Variants in XRN2 observed in about 807,000 individuals in gnomAD.
XRN2 encodes DHM1-like protein.
A neutral mutation model predicts 138.5 loss-of-function variants in XRN2; 44 were observed. The ratio of observed to expected loss-of-function variants is 0.32; its 90% CI spans 0.25 to 0.41. XRN2 has a LOEUF of 0.41. XRN2 is among the 10% of genes least tolerant of loss of function. The pLI, the probability that XRN2 is intolerant of heterozygous loss-of-function variation, is 1.00. For synonymous variants in XRN2, 354 were observed against 369.4 expected, an observed-to-expected ratio of 0.96 and a Z score of 0.48; for missense variants, 937 against 1,169.3, an observed-to-expected ratio of 0.80 and a Z score of 2.90.
chr20:21,382,355 C>G (rs1369559309), intron 28 of XRN2, among the ~76,000 whole-genome samples: 1 of 152,142 alleles, frequency 6.6e-6, no homozygotes, highest in Non-Finnish European at 1.5e-5. Context: ...TCAGGCTAAA[C>G]AAATTTCTTT....
intron 17 of XRN2, among the ~76,000 whole-genome samples, chr20:21,347,720 T>C (rs1022945703): frequency 1.3e-5 from 2 of 152,252 alleles, no homozygotes; most frequent in Non-Finnish European, 2.9e-5. Flanking sequence ...TGTTTTACTT[T>C]CAACTGCTGT....
At chr20:21,372,135 C>T (rs2038770784) in intron 27 of XRN2, among the ~76,000 whole-genome samples, 1 of 152,138 alleles carries the variant, frequency 6.6e-6, no homozygotes, top group Non-Finnish European at 1.5e-5. Flanking sequence ...TGATTTAGAG[C>T]AAGAAACAAG....
rs2038591882 is a variant in XRN2, at chr20:21,357,646, A to AGC, written c.2199-90_2199-89insGC. On this transcript the variant is annotated intron_variant, in intron 23 of 29. Coordinates refer to ENST00000377191, the MANE Select transcript of XRN2 (RefSeq NM_012255.5). ...TGCATTCTAATGATTTATCTTTTCTAAAGACTAACAAACATAGCAACATCT... is the reference window on the plus strand; with the variant it reads ...TGCATTCTAATGATTTATCTTTTCTAGCAAGACTAACAAACATAGCAACATCT... The AGC allele has an allele frequency of 4.8e-6, 5 of 1,052,282 alleles. No homozygotes were observed. In the Admixed American group the frequency reaches 1.4e-4, roughly 30 times the overall value. The allele number at this position is 1,052,282 out of a possible 1,614,324, so 65.2% of individuals were successfully genotyped here. A position where few individuals can be genotyped will look rare whatever the true frequency, so the allele number is the denominator to read the frequency against.
intron 1 of XRN2, among the ~76,000 whole-genome samples, chr20:21,324,477 A>G (rs1029580791): frequency 1.4e-5 from 2 of 147,182 alleles, no homozygotes; most frequent in Non-Finnish European, 3.0e-5. Flanking sequence ...ACTTTCTGTA[A>G]GTGGTATACT....
intron 28 of XRN2, among the ~76,000 whole-genome samples, chr20:21,382,634 C>A (rs1248486517): frequency 6.6e-6 from 1 of 152,144 alleles, no homozygotes; most frequent in Non-Finnish European, 1.5e-5. Context: ...AGAAGGGACT[C>A]AGAAGAGGAT....
intron 9 of XRN2, among the ~76,000 whole-genome samples, chr20:21,332,800 C>T (rs1187675185): frequency 1.3e-5 from 2 of 152,156 alleles, no homozygotes; most frequent in Admixed American, 1.3e-4. Flanking sequence ...TATATCTACA[C>T]GAGGCTTAGT....
intron 1 of XRN2, among the ~76,000 whole-genome samples, chr20:21,323,574 A>G (rs2038077988): frequency 6.6e-6 from 1 of 152,196 alleles, no homozygotes; most frequent in Non-Finnish European, 1.5e-5. Context: ...AAGGAATTCT[A>G]AAGTTACATA....
rs11482191 is a variant in XRN2, at chr20:21,372,382, T to TA, written c.2584+3794dup. Among the ~76,000 whole-genome samples, 971 of 152,312 alleles carry TA rather than the reference T, an allele frequency of 6.4e-3. 72 individuals are homozygous for TA. The East Asian group carries it at 0.16, about 25-fold the overall frequency. Reference sequence around the variant, plus strand: ...TACATGGCAAGTAGTTGGGTGGTGTTAAGCATAGCATAACTGGTACAAAAT... The same window carrying TA: ...TACATGGCAAGTAGTTGGGTGGTGTTAAAGCATAGCATAACTGGTACAAAAT... On this transcript the variant is annotated intron_variant, in intron 27 of 29. Transcript: ENST00000377191.
rs556976332 is a variant in XRN2, at chr20:21,359,771, A to T, written c.2255+1979A>T. On this transcript the variant is annotated intron_variant, in intron 24 of 29. Transcript: ENST00000377191. Reference sequence around the variant, plus strand: ...ATGTTTGTTTTAGGGCTTGTTGTACATTCCAGTGTTAAATTTGCTTTATAA... The same window carrying T: ...ATGTTTGTTTTAGGGCTTGTTGTACTTTCCAGTGTTAAATTTGCTTTATAA... Among the ~76,000 whole-genome samples, 3 of 152,258 alleles carry T rather than the reference A, an allele frequency of 2.0e-5. No individual in the cohort carries two copies. The East Asian group carries it at 5.8e-4, about 29-fold the overall frequency.
chr20:21,374,817 A>G (rs769836699), intron 27 of XRN2, among the ~76,000 whole-genome samples: 1 of 151,668 alleles, frequency 6.6e-6, no homozygotes, highest in Non-Finnish European at 1.5e-5. Context: ...ATTAGAAAAT[A>G]TTTTCTACAT....
At chr20:21,333,119 T>A (rs1425348508) in intron 9 of XRN2, among the ~76,000 whole-genome samples, 1 of 152,188 alleles carries the variant, frequency 6.6e-6, no homozygotes, top group East Asian at 1.9e-4. Context: ...ATAAAGACAG[T>A]ATACATGTAT....
At chr20:21,344,007 G>A (rs2038404537) in intron 15 of XRN2, 83 bp from the exon 16 acceptor site, 1 of 951,110 alleles carries the variant, frequency 1.1e-6, no homozygotes, top group Admixed American at 1.9e-5. Flanking sequence ...TGTGAAACAT[G>A]GTAAGTAGTG....
intron 1 of XRN2, among the ~76,000 whole-genome samples, chr20:21,321,314 TG>T (rs2038040251): frequency 6.8e-6 from 1 of 146,312 alleles, no homozygotes; most frequent in Admixed American, 6.8e-5. Flanking sequence ...TGTGTGTGTG[TG>T]TGTGTGTGTG....
At chr20:21,315,432 A>T (rs1323904407) in intron 1 of XRN2, among the ~76,000 whole-genome samples, 2 of 152,166 alleles carry the variant, frequency 1.3e-5, no homozygotes, top group East Asian at 3.9e-4. Flanking sequence ...GCATCTTTTC[A>T]TGTGCTTACT....
At chr20:21,380,233 T>C (rs553632764) in intron 27 of XRN2, among the ~76,000 whole-genome samples, 9 of 152,298 alleles carry the variant, frequency 5.9e-5, no homozygotes, top group African/African-American at 2.2e-4. Context: ...TTTGTATATA[T>C]AAGGGCACTA....
At chr20:21,332,554 TAAA>T in intron 9 of XRN2, 114 bp downstream of exon 9, 1 of 1,079,076 alleles carries the variant, frequency 9.3e-7, no homozygotes, top group Non-Finnish European at 1.2e-6. Context: ...TAAATAGCAT[TAAA>T]TATTTGAGTT....
intron 21 of XRN2, 41 bp from the exon 22 acceptor site, chr20:21,356,039 A>T: frequency 6.5e-7 from 1 of 1,536,524 alleles, no homozygotes; most frequent in Non-Finnish European, 8.8e-7. Context: ...TGCAGGTACA[A>T]TTTTTTTATG....
Position 21,334,190 on chromosome 20 carries a change from A to G in XRN2, c.1233+5A>G, listed in dbSNP as rs746931102. On this transcript the variant is annotated splice_donor_5th_base_variant and intron_variant, in intron 13 of 29. Transcript: ENST00000377191. ...AAAAAGAGAAAGGATGATGAGGTAA[A>G]GTGTTTCTATTGCAGTAGCTAAAAT... is the stretch of plus-strand genomic sequence containing the variant. The G allele has an allele frequency of 1.1e-5, 18 of 1,611,680 alleles. No homozygotes were observed. In the East Asian group the frequency reaches 4.0e-4, roughly 36 times the overall value.
chr20:21,335,606 T>C (rs2038276049), intron 13 of XRN2, among the ~76,000 whole-genome samples: 1 of 152,224 alleles, frequency 6.6e-6, no homozygotes, highest in Admixed American at 6.5e-5. Context: ...GAATTCAAAT[T>C]ACAGAACTAG....
Sources: gnomAD v4.1 joint callset for allele counts (sites outside exome capture counted in the v4.1 genomes callset) on GRCh38, gnomAD v4.1.1 for gene constraint, MANE v1.5 for transcripts, NCBI Gene and HGNC (gene_info 2026-07-23, HGNC 2026-07-21) for gene names.